PHC1: variants seen among roughly 807,000 people sequenced by gnomAD.
PHC1 encodes polyhomeotic-like protein 1.
A neutral mutation model predicts 104.3 loss-of-function variants in PHC1; 12 were observed. The ratio of observed to expected loss-of-function variants is 0.12; its 90% confidence interval spans 0.07 to 0.19. PHC1 has a LOEUF of 0.19. PHC1 is among the 10% of genes least tolerant of loss of function. The pLI is 1.00. For missense variants in PHC1, 671 were observed against 1,200.0 expected, an observed-to-expected ratio of 0.56 and a Z score of 6.51; for synonymous variants, 302 against 455.8, an observed-to-expected ratio of 0.66 and a Z score of 4.30.
chr12:8,914,916 AACGCCCCAGGT>A (rs773145927), intron 1 of PHC1, 89 bp downstream of exon 1: 30 of 153,794 alleles, frequency 2.0e-4, no homozygotes, highest in Non-Finnish European at 3.5e-4. Flanking sequence ...CCATCTGTGT[AACGCCCCAGGT>A]ACCTCCCCCA....
intron 11 of PHC1, among the ~76,000 whole-genome samples, chr12:8,936,044 G>A (rs761424050): frequency 1.3e-5 from 2 of 151,750 alleles, no homozygotes; most frequent in Non-Finnish European, 2.9e-5. Flanking sequence ...GATTACAGGC[G>A]TGAGCCACCA....
intron 6 of PHC1, among the ~76,000 whole-genome samples, 193 bp from the exon 7 acceptor site, chr12:8,930,242 G>C (rs1034218156): frequency 3.5e-4 from 53 of 152,206 alleles, no homozygotes; most frequent in African/African-American, 1.1e-3. Flanking sequence ...AGTGAAGATG[G>C]CTGAAGAATC....
rs1945863571 is a variant in PHC1, at chr12:8,937,230, G to C, written c.2532G>C (p.Glu844Asp). 1.9e-6 allele frequency: 3 copies of C among 1,613,600 alleles called. No homozygotes were observed. The highest frequency in any genetic ancestry group is 2.5e-6 in the Non-Finnish European group (3 of 1,179,650). ...QFRLKRKKMK[E>D]FQEANYARVR... ...GGCTGAAGAGGAAAAAAATGAAAGA[G>C]TTTCAAGAAGCCAACTATGCTCGCG... The change falls in exon 13 of 15, where the codon GAG (glutamate) becomes GAC (aspartate). Residue 844 changes from glutamate (E) to aspartate (D), a missense_variant. Glu to Asp is a conservative substitution (Grantham distance 45). Around this residue, in one of 9 missense-constraint regions of PHC1, gnomAD observed 192 missense variants for 280.5 expected, o/e 0.68. Transcript: ENST00000544916.
At position 8,930,384 on chromosome 12, in the gene PHC1, C is replaced by T. The variant is rs1028343315; in HGVS notation, c.613-51C>T. 3 of 1,571,578 alleles carry T rather than the reference C, an allele frequency of 1.9e-6. No individual in the cohort carries two copies. In the African/African-American group the frequency reaches 4.1e-5, roughly 21 times the overall value. On this transcript the variant is annotated intron_variant, in intron 6 of 14. Transcript: ENST00000544916. ...TCCTGGCTGCTTTTGAATCTTTAAC[C>T]TTAATGCCTCCAGTCCTCCTTTTCT...
chr12:8,937,071 G>C, intron 12 of PHC1, 105 bp from the exon 13 acceptor site: 1 of 1,435,582 alleles, frequency 7.0e-7, no homozygotes, highest in Non-Finnish European at 9.8e-7. Context: ...CTCCCTCCTT[G>C]CTTTTATTCC....
intron 7 of PHC1, among the ~76,000 whole-genome samples, chr12:8,931,343 C>A (rs190894513): frequency 5.3e-4 from 81 of 152,348 alleles, no homozygotes; most frequent in African/African-American, 1.9e-3. Context: ...TCTCACCTCA[C>A]TGTTTAATGT....
chr12:8,921,811 C>T (rs1238909067), intron 5 of PHC1, 61 bp downstream of exon 5: 1 of 1,471,538 alleles, frequency 6.8e-7, no homozygotes, highest in East Asian at 2.5e-5. Context: ...CTGGCAAAGA[C>T]TTGAGTGAAA....
In PHC1 at chr12:8,933,824, A is replaced by G. The variant is rs768291882; in HGVS notation, c.1894-41A>G. 1.5e-5 allele frequency: 24 copies of G among 1,561,216 alleles called. No homozygotes were observed. The South Asian group carries it at 2.3e-4, about 15-fold the overall frequency. ...TAATTGTGGTTCCTTATTATCCTTC[A>G]TTTGTACATCTTTGTTTCTTTCCTA... On this transcript the variant is annotated intron_variant, in intron 8 of 14. Coordinates refer to ENST00000544916, the MANE Select transcript of PHC1 (RefSeq NM_004426.3).
intron 11 of PHC1, 58 bp downstream of exon 11, chr12:8,935,296 G>A (rs1945802416): frequency 3.3e-6 from 3 of 908,424 alleles, no homozygotes; most frequent in Non-Finnish European, 1.7e-6. Context: ...ATGTGTTTGA[G>A]GACTCGGTGT....
At position 8,937,830 on chromosome 12, in the gene PHC1, G is replaced by T. The variant is rs750272646; in HGVS notation, c.2630G>T (p.Gly877Val). ...RAKIQGKCHR[G>V]QEDSSRGSDN... ...TTGGTTTGCTCTTTTCCCCTATAGG[G>T]TCAAGAAGACTCTAGCCGGGGTTCA... The change falls in exon 14 of 15, where the codon GGT becomes GTT. Residue 877 changes from glycine (G) to valine (V), a missense_variant and splice_region_variant. Coordinates refer to ENST00000544916, the MANE Select transcript of PHC1 (RefSeq NM_004426.3). The T allele has an allele frequency of 6.2e-7, 1 of 1,611,938 alleles. No homozygotes were observed. The highest frequency in any genetic ancestry group is 1.3e-5 in the African/African-American group (1 of 74,860).
At chr12:8,930,030 T>C (rs1315176567) in intron 6 of PHC1, among the ~76,000 whole-genome samples, 1 of 152,224 alleles carries the variant, frequency 6.6e-6, no homozygotes, top group East Asian at 1.9e-4. Flanking sequence ...TCATAAGTGA[T>C]AATTTTCTTG....
intron 14 of PHC1, among the ~76,000 whole-genome samples, 153 bp downstream of exon 14, chr12:8,938,213 AT>A (rs765758899): frequency 7.2e-5 from 11 of 152,058 alleles, no homozygotes; most frequent in Non-Finnish European, 1.3e-4. Flanking sequence ...TGACTTCCTA[AT>A]TTTTTTCTGG....
intron 4 of PHC1, 35 bp from the exon 5 acceptor site, chr12:8,921,566 A>G (rs1326640530): frequency 3.7e-6 from 6 of 1,609,796 alleles, no homozygotes; most frequent in African/African-American, 2.7e-5. Context: ...ACTTCTCCCA[A>G]ATCCTTAGTC....
chr12:8,935,733 A>T (rs1309470827), intron 11 of PHC1, among the ~76,000 whole-genome samples: 1 of 152,146 alleles, frequency 6.6e-6, no homozygotes, highest in African/African-American at 2.4e-5. Context: ...AGGGGAATTT[A>T]TCCAGCTAAA....
intron 3 of PHC1, among the ~76,000 whole-genome samples, chr12:8,920,640 G>A (rs916437922): frequency 2.0e-5 from 3 of 152,152 alleles, no homozygotes; most frequent in Non-Finnish European, 2.9e-5. Flanking sequence ...CCTGGGAGGC[G>A]GAGGTTGCAG....
rs1297071244 is a variant in PHC1 at position 8,935,110 on chromosome 12, GT to G, written c.2254-10del. On this transcript the variant is annotated splice_polypyrimidine_tract_variant and intron_variant, in intron 10 of 14. Transcript: ENST00000544916. Reference sequence around the variant, plus strand: ...GGATCAGGCTAACTTAACTCTCAATGTTTTCTGGGACAGGTGGGTTGTTCTC... The same window carrying G: ...GGATCAGGCTAACTTAACTCTCAATGTTTCTGGGACAGGTGGGTTGTTCTC... 5 of 1,449,042 alleles carry G rather than the reference GT, an allele frequency of 3.5e-6. No homozygotes were observed. The Admixed American group carries it at 7.5e-5, about 22-fold the overall frequency. 89.8% of individuals were successfully genotyped at this position (1,449,042 alleles called of 1,614,324 possible).
In PHC1 at chr12:8,934,277, A is replaced by G. The variant is rs752739242; in HGVS notation, c.2052A>G (p.Glu684=). ...GTGTTTGTTTTCCAGAAAAAGCTGA[A>G]TCAGTGGCTAATGTGAATGCTAATA... ...DEKSSLGEKA[E]SVANVNANTP... The change falls in exon 10 of 15, where the codon GAA becomes GAG. Residue 684 remains glutamate (E), a synonymous_variant. Transcript: ENST00000544916. 3.7e-6 allele frequency: 6 copies of G among 1,613,472 alleles called. No homozygotes were observed. Among genetic ancestry groups the G allele is most frequent in the South Asian group, 1.1e-5 (1 of 90,956 alleles).
At position 8,930,443 on chromosome 12, in the gene PHC1, C is replaced by T. The variant is rs768741645; in HGVS notation, c.621C>T (p.Asn207=). 1 of 1,608,044 alleles carries T rather than the reference C, an allele frequency of 6.2e-7. No individual in the cohort carries two copies. The highest frequency in any genetic ancestry group is 8.5e-7 in the Non-Finnish European group (1 of 1,177,002). ...TTTTTCGTATCTTTCAGGTTCAGAA[C>T]TTGGCAGTAAGGAATCAACAGGCCT... ...GVHADADQVQ[N]LAVRNQQASA... The change falls in exon 7 of 15, where the codon AAC becomes AAT. Residue 207 remains asparagine, a synonymous_variant. Transcript: ENST00000544916.
At chr12:8,927,403 G>A (rs1945546954) in intron 6 of PHC1, among the ~76,000 whole-genome samples, 1 of 152,176 alleles carries the variant, frequency 6.6e-6, no homozygotes, top group Non-Finnish European at 1.5e-5. Flanking sequence ...CAGTGGAGAA[G>A]AAGTGGAAGA....
Sources: allele counts gnomAD v4.1 joint callset (sites outside exome capture counted in the v4.1 genomes callset), GRCh38; gene constraint gnomAD v4.1.1; regional missense constraint gnomAD v4.1.1; transcripts MANE v1.5; gene names NCBI Gene and HGNC (gene_info 2026-07-23, HGNC 2026-07-21).